The following MYO9B variants were observed in gnomAD, a reference collection of about 807,000 sequenced individuals.
The protein encoded by MYO9B is unconventional myosin-IXb.
MYO9B carries 71 observed loss-of-function variants against 229.5 expected under a neutral mutation model. The ratio of observed to expected loss-of-function variants is 0.31; its 90% CI spans 0.26 to 0.38. The LOEUF (loss-of-function observed/expected upper bound fraction) is 0.38, where lower values mean the gene tolerates loss of function less well. Among genes scored for constraint, MYO9B ranks in the 10% least tolerant of loss-of-function variants. MYO9B has a pLI of 1.00. For synonymous variants in MYO9B, 1,185 were observed against 1,235.8 expected (o/e 0.96, Z 0.86); for missense variants, 2,255 against 2,920.5 (o/e 0.77, Z 5.25).
chr19:17,125,578 A>G (rs1265178754), intron 2 of MYO9B, among the ~76,000 whole-genome samples: 3 of 152,126 alleles, frequency 2.0e-5, no homozygotes, highest in Non-Finnish European at 4.4e-5. Context: ...ACTTTAGCTC[A>G]TGGTAGGAGT....
chr19:17,182,807 A>G (rs1461935161), intron 15 of MYO9B, among the ~76,000 whole-genome samples: 1 of 152,188 alleles, frequency 6.6e-6, no homozygotes, highest in East Asian at 1.9e-4. Context: ...CCTTTTGAAT[A>G]AATAAATATA....
At chr19:17,134,425 T>C (rs2072244292) in intron 2 of MYO9B, among the ~76,000 whole-genome samples, 1 of 121,246 alleles carries the variant, frequency 8.2e-6, no homozygotes, top group Non-Finnish European at 1.6e-5. Flanking sequence ...AGACTCTCGC[T>C]CTGTCACCCA....
At chr19:17,197,276 T>TAA in intron 22 of MYO9B, among the ~76,000 whole-genome samples, 1 of 139,472 alleles carries the variant, frequency 7.2e-6, no homozygotes, top group African/African-American at 2.6e-5. Flanking sequence ...AAACTCCGTC[T>TAA]AAAAAAAAAA....
intron 1 of MYO9B, among the ~76,000 whole-genome samples, chr19:17,093,960 CCCT>C (rs1211673474): frequency 6.6e-6 from 1 of 151,692 alleles, no homozygotes; most frequent in Non-Finnish European, 1.5e-5. Flanking sequence ...AAGCAATCTG[CCCT>C]CCTCAGCCTC....
intron 20 of MYO9B, among the ~76,000 whole-genome samples, chr19:17,192,271 G>A (rs1467900153): frequency 1.6e-5 from 2 of 128,812 alleles, no homozygotes; most frequent in Non-Finnish European, 3.2e-5. Context: ...CCAGCCTGGT[G>A]AGACTCCATC....
At chr19:17,134,125 T>C (rs1301560546) in intron 2 of MYO9B, among the ~76,000 whole-genome samples, 1 of 152,058 alleles carries the variant, frequency 6.6e-6, no homozygotes, top group Non-Finnish European at 1.5e-5. Context: ...TACAGGGATA[T>C]ATTGGGTAAT....
chr19:17,206,943 C>T (rs1327705269), intron 34 of MYO9B, 159 bp downstream of exon 34: 18 of 1,256,948 alleles, frequency 1.4e-5, no homozygotes, highest in Admixed American at 9.9e-5. Flanking sequence ...GCTGCTGGGC[C>T]GCCCGGGTCC....
intron 1 of MYO9B, among the ~76,000 whole-genome samples, chr19:17,081,081 G>A (rs558079679): frequency 1.3e-5 from 2 of 152,278 alleles, no homozygotes; most frequent in East Asian, 3.9e-4. Flanking sequence ...AGGCTGGGGT[G>A]CAGTGACGCG....
At chr19:17,203,924 A>G (rs2073134478) in intron 30 of MYO9B, among the ~76,000 whole-genome samples, 1 of 152,074 alleles carries the variant, frequency 6.6e-6, no homozygotes, top group Non-Finnish European at 1.5e-5. Context: ...ACCCTAAGAG[A>G]CAGGGCCCAG....
chr19:17,091,965 G>A (rs1343455413), intron 1 of MYO9B, among the ~76,000 whole-genome samples: 1 of 152,210 alleles, frequency 6.6e-6, no homozygotes, highest in Non-Finnish European at 1.5e-5. Context: ...AGCCCCCACA[G>A]GCTTTGTTCC....
chr19:17,090,118 C>CTCT (rs2057622813), intron 1 of MYO9B, among the ~76,000 whole-genome samples: 1 of 49,176 alleles, frequency 2.0e-5, no homozygotes, highest in Non-Finnish European at 3.7e-5. Context: ...TGCTTCCTTC[C>CTCT]TTTTTTTTTT....
chr19:17,211,373 G>A (rs77553571), intron 38 of MYO9B, among the ~76,000 whole-genome samples: 12,955 of 152,120 alleles, frequency 0.085, 809 homozygotes, highest in African/African-American at 0.17. Context: ...CTAGGCTCAC[G>A]GGGTCCTCCC....
intron 2 of MYO9B, among the ~76,000 whole-genome samples, chr19:17,124,759 CA>C (rs35063637): frequency 0.23 from 17,943 of 79,104 alleles, 926 homozygotes; most frequent in East Asian, 0.35. Flanking sequence ...GACTCTGTCT[CA>C]AAAAAAAAAA....
At chr19:17,115,114 A>G (rs2057888704) in intron 2 of MYO9B, among the ~76,000 whole-genome samples, 2 of 151,862 alleles carry the variant, frequency 1.3e-5, no homozygotes, top group South Asian at 4.2e-4. Flanking sequence ...TCAGCCTCCA[A>G]ATTAGCTGGG....
intron 3 of MYO9B, among the ~76,000 whole-genome samples, chr19:17,152,282 G>A (rs7247626): frequency 0.18 from 27,582 of 151,962 alleles, 2,755 homozygotes; most frequent in East Asian, 0.3. Context: ...GGCCAGGGAT[G>A]GTGGCTCATG....
At chr19:17,210,552 C>T (rs2073215391) in intron 37 of MYO9B, 163 bp from the exon 38 acceptor site, 10 of 1,225,668 alleles carry the variant, frequency 8.2e-6, no homozygotes, top group Admixed American at 2.9e-5. Context: ...GACGACTAAT[C>T]GGCCACATGA....
intron 2 of MYO9B, among the ~76,000 whole-genome samples, chr19:17,125,304 C>G (rs1234151294): frequency 7.2e-5 from 10 of 138,398 alleles, no homozygotes; most frequent in Non-Finnish European, 1.4e-4. Flanking sequence ...CCATCCCCCC[C>G]CCCCCAAAAA....
At position 17,153,857 on chromosome 19, in the gene MYO9B, T is replaced by C. The variant is rs1037271455; in HGVS notation, c.999-110T>C. The C allele has an allele frequency of 7.7e-6, 6 of 776,958 alleles. No individual in the cohort carries two copies. In the African/African-American group the frequency reaches 1.0e-4, roughly 13 times the overall value. The allele number at this position is 776,958 out of a possible 1,614,324, so 48.1% of individuals were successfully genotyped here. A position where few individuals can be genotyped will look rare whatever the true frequency, so the allele number is the denominator to read the frequency against. ...GTAAGAACTGACGTACTGTTTTAAA[T>C]TTGTACATATTTGAGGTGTGCTCTC... On this transcript the variant is annotated intron_variant, in intron 4 of 39. Transcript: ENST00000682292.
intron 29 of MYO9B, 111 bp downstream of exon 29, chr19:17,202,994 C>CA: frequency 2.1e-6 from 3 of 1,411,616 alleles, no homozygotes; most frequent in South Asian, 1.3e-5. Context: ...CGTATGTGTG[C>CA]GTGGACACGT....
Sources: allele counts gnomAD v4.1 joint callset (sites outside exome capture counted in the v4.1 genomes callset), GRCh38; gene constraint gnomAD v4.1.1; transcripts MANE v1.5; gene names NCBI Gene and HGNC (gene_info 2026-07-23, HGNC 2026-07-21).